The following HELZ variants were observed in gnomAD, a reference collection of about 807,000 sequenced individuals.
HELZ encodes the protein ATP-dependent RNA helicase with zinc finger domain.
A neutral mutation model predicts 218.2 loss-of-function variants in HELZ; 23 were observed. The observed-to-expected ratio is 0.11, with a 90% CI of 0.08 to 0.15. HELZ has a LOEUF of 0.15. HELZ is among the 10% of genes least tolerant of loss of function. The pLI is 1.00. For synonymous variants in HELZ, 814 were observed against 829.4 expected, an observed-to-expected ratio of 0.98 and a Z score of 0.32; for missense variants, 1,813 against 2,353.7, an observed-to-expected ratio of 0.77 and a Z score of 4.75.
At chr17:67,127,992 T>C (rs1433616340) in intron 24 of HELZ, among the ~76,000 whole-genome samples, 1 of 152,166 alleles carries the variant, frequency 6.6e-6, no homozygotes, top group Non-Finnish European at 1.5e-5. Flanking sequence ...CAGAACCTTC[T>C]TTTCTAGATG....
chr17:67,131,807 T>C (rs1033310770), intron 23 of HELZ, among the ~76,000 whole-genome samples: 1 of 152,188 alleles, frequency 6.6e-6, no homozygotes, highest in Non-Finnish European at 1.5e-5. Flanking sequence ...CCTTCAAAAA[T>C]TCTTAGTTTT....
At chr17:67,215,863 T>C (rs946686381) in intron 5 of HELZ, 36 bp downstream of exon 5, 4 of 1,379,280 alleles carry the variant, frequency 2.9e-6, no homozygotes, top group Non-Finnish European at 4.1e-6. Flanking sequence ...TAAACATTGT[T>C]CAATTCAATA....
intron 7 of HELZ, among the ~76,000 whole-genome samples, chr17:67,197,397 G>A (rs985807570): frequency 1.3e-5 from 2 of 152,132 alleles, no homozygotes; most frequent in Non-Finnish European, 2.9e-5. Context: ...CGTGAAAACA[G>A]ACTAATATAC....
rs2041072214 is a variant in HELZ at position 67,232,806 on chromosome 17, A to C, written c.-19+6627T>G. Among the ~76,000 whole-genome samples the C allele has an allele frequency of 2.6e-5, 4 of 152,330 alleles. No individual in the cohort carries two copies. In the South Asian group the frequency reaches 6.2e-4, roughly 24 times the overall value. On this transcript the variant is annotated intron_variant, in intron 3 of 32. Transcript: ENST00000358691. ...TCTTCTTTCTACTTTTGTATGTCTG[A>C]AAATGTCCATAATAAAAAACTTTTA...
intron 31 of HELZ, among the ~76,000 whole-genome samples, chr17:67,097,858 T>C (rs2036797556): frequency 6.6e-6 from 1 of 152,222 alleles, no homozygotes; most frequent in South Asian, 2.1e-4. Context: ...TAAAACTAAA[T>C]AAATTTTCCA....
At chr17:67,182,454 A>G (rs905111031) in intron 12 of HELZ, among the ~76,000 whole-genome samples, 13 of 152,150 alleles carry the variant, frequency 8.5e-5, no homozygotes, top group Admixed American at 7.9e-4. Flanking sequence ...CAAAAAAAAC[A>G]GAAAGATGAG....
At chr17:67,219,878 T>A (rs1161938697) in intron 3 of HELZ, among the ~76,000 whole-genome samples, 1 of 152,232 alleles carries the variant, frequency 6.6e-6, no homozygotes, top group Non-Finnish European at 1.5e-5. Context: ...AGTTTACACG[T>A]TGTTTCTCCC....
chr17:67,167,938 G>A (rs1018334976), intron 13 of HELZ, 142 bp from the exon 14 acceptor site: 6 of 632,422 alleles, frequency 9.5e-6, no homozygotes, highest in South Asian at 2.7e-5. Flanking sequence ...GCTAAAAACT[G>A]TATTTTTCTG....
intron 7 of HELZ, among the ~76,000 whole-genome samples, chr17:67,198,112 G>A (rs1156355862): frequency 1.3e-5 from 2 of 152,116 alleles, no homozygotes; most frequent in Non-Finnish European, 2.9e-5. Flanking sequence ...CTGCAAGTAG[G>A]AAAATTTTAA....
chr17:67,081,812 G>C (rs2036198555), intron 32 of HELZ, among the ~76,000 whole-genome samples: 1 of 152,162 alleles, frequency 6.6e-6, no homozygotes, highest in Non-Finnish European at 1.5e-5. Context: ...GGCGGGGCAG[G>C]GGGGTGCAGG....
At chr17:67,127,625 A>G (rs1450832484) in intron 24 of HELZ, among the ~76,000 whole-genome samples, 2 of 152,188 alleles carry the variant, frequency 1.3e-5, no homozygotes, top group Non-Finnish European at 2.9e-5. Flanking sequence ...AGGCGTGCAG[A>G]TCACCTGAGC....
chr17:67,233,000 G>A (rs1261806144), intron 3 of HELZ, among the ~76,000 whole-genome samples: 1 of 152,192 alleles, frequency 6.6e-6, no homozygotes, highest in Non-Finnish European at 1.5e-5. Context: ...TGGGCATGGT[G>A]GCACATGACT....
chr17:67,089,122 A>G (rs1361847974), intron 31 of HELZ, among the ~76,000 whole-genome samples: 1 of 152,224 alleles, frequency 6.6e-6, no homozygotes, highest in Non-Finnish European at 1.5e-5. Context: ...TGTGAATACT[A>G]AAGTACAAAA....
intron 2 of HELZ, among the ~76,000 whole-genome samples, chr17:67,240,071 C>A (rs1225647728): frequency 2.0e-5 from 3 of 152,188 alleles, no homozygotes; most frequent in Non-Finnish European, 4.4e-5. Flanking sequence ...ATGCATATTT[C>A]TTTTAAAAGA....
At position 67,207,203 on chromosome 17, in the gene HELZ, C is replaced by T. The variant is rs544031838; in HGVS notation, c.248-3760G>A. On this transcript the variant is annotated intron_variant, in intron 5 of 32. Coordinates refer to ENST00000358691, the MANE Select transcript of HELZ (RefSeq NM_014877.4). ...CTGGGATTACAGGCATGAGCCACCA[C>T]GCCCGGCCTTTTTTTTTTTTTTTTT... 6.6e-4 allele frequency among the ~76,000 whole-genome samples: 96 copies of T among 145,590 alleles called. 4 individuals carry two copies. The South Asian group carries it at 0.018, about 28-fold the overall frequency.
chr17:67,130,628 T>C (rs541098254), intron 23 of HELZ, among the ~76,000 whole-genome samples: 218 of 152,226 alleles, frequency 1.4e-3, no homozygotes, highest in South Asian at 8.5e-3. Flanking sequence ...TGAGAAAATA[T>C]AGGGAAGGAC....
chr17:67,221,094 CAA>C (rs751347059), intron 3 of HELZ, among the ~76,000 whole-genome samples: 7 of 152,104 alleles, frequency 4.6e-5, no homozygotes, highest in Non-Finnish European at 7.4e-5. Context: ...GCCCATTAGA[CAA>C]AGAGTGGCAT....
At chr17:67,212,525 A>C (rs1176982252) in intron 5 of HELZ, among the ~76,000 whole-genome samples, 1 of 152,058 alleles carries the variant, frequency 6.6e-6, no homozygotes, top group Admixed American at 6.6e-5. Context: ...AATGTTACTA[A>C]AAGTTGAAAA....
intron 7 of HELZ, among the ~76,000 whole-genome samples, chr17:67,196,573 G>C (rs1192039050): frequency 8.0e-6 from 1 of 124,970 alleles, no homozygotes; most frequent in South Asian, 2.4e-4. Flanking sequence ...TGGTTAGTTG[G>C]ATGGATGGAT....
Sources: gnomAD v4.1 joint callset for allele counts (sites outside exome capture counted in the v4.1 genomes callset) on GRCh38, gnomAD v4.1.1 for gene constraint, MANE v1.5 for transcripts, NCBI Gene and HGNC (gene_info 2026-07-23, HGNC 2026-07-21) for gene names.